The following SHC4 variants were observed in gnomAD, a reference collection of about 807,000 sequenced individuals.
The protein encoded by SHC4 is SHC adaptor protein 4, also known as SHC-transforming protein 4.
A neutral mutation model predicts 69.4 loss-of-function variants in SHC4; 41 were observed. That is an observed-to-expected ratio of 0.59 (90% CI 0.46 to 0.77). The LOEUF (loss-of-function observed/expected upper bound fraction) is 0.77. Ranked by LOEUF, SHC4 falls within the 30% of genes least tolerant of loss-of-function variation. The probability of loss-of-function intolerance (pLI) is 0.00; values close to 1 mark genes in which losing one functional copy is unlikely to be tolerated. For missense variants in SHC4, 777 were observed against 783.8 expected (o/e 0.99, Z 0.10); for synonymous variants, 318 against 299.3 (o/e 1.06, Z -0.64).
intron 4 of SHC4, among the ~76,000 whole-genome samples, chr15:48,875,061 G>C (rs1266736404): frequency 6.6e-6 from 1 of 152,184 alleles, no homozygotes; most frequent in Non-Finnish European, 1.5e-5. Context: ...GACTGCAGAA[G>C]ACTTTAAGAC....
chr15:48,871,686 A>C (rs1313373059), intron 5 of SHC4, among the ~76,000 whole-genome samples: 3 of 152,202 alleles, frequency 2.0e-5, no homozygotes, highest in African/African-American at 7.2e-5. Flanking sequence ...TGATATATCA[A>C]GTCCAGTTGA....
rs774572791 is a variant in SHC4, at chr15:48,855,914, T to C, written c.1242+39A>G. ...AAATGCTCTAGTGATAAGGGCAGAA[T>C]TGCATTGCTGGTTCCAACAACAATA... On this transcript the variant is annotated intron_variant, in intron 8 of 11. Transcript: ENST00000332408. The C allele has an allele frequency of 4.4e-6, 7 of 1,574,764 alleles. No individual in the cohort carries two copies. In the South Asian group the frequency reaches 7.1e-5, roughly 16 times the overall value.
intron 11 of SHC4, among the ~76,000 whole-genome samples, 185 bp from the exon 12 acceptor site, chr15:48,826,311 G>C (rs1898687608): frequency 6.6e-6 from 1 of 151,102 alleles, no homozygotes. Flanking sequence ...GAGTGTAGTG[G>C]CACGATCTCG....
chr15:48,878,151 T>C (rs955210194), intron 4 of SHC4: 17 of 1,519,754 alleles, frequency 1.1e-5, no homozygotes, highest in Non-Finnish European at 1.5e-5. Flanking sequence ...TGGAAGCTTT[T>C]TCCTAGAGGT....
rs189567567 is a variant in SHC4 at position 48,949,614 on chromosome 15, T to G, written c.585+12817A>C. On this transcript the variant is annotated intron_variant, in intron 1 of 11. Coordinates refer to ENST00000332408, the MANE Select transcript of SHC4 (RefSeq NM_203349.4). Reference sequence around the variant, plus strand: ...CACCTAAACTTCTTAGGCTGATGCTTAAGACTTGTTATAATCTGGATCGAA... The same window carrying G: ...CACCTAAACTTCTTAGGCTGATGCTGAAGACTTGTTATAATCTGGATCGAA... Among the ~76,000 whole-genome samples, 304 of 152,172 alleles carry G rather than the reference T, an allele frequency of 2.0e-3. 1 individual carries two copies. Among genetic ancestry groups the G allele is most frequent in the African/African-American group, 7.2e-3 (297 of 41,520 alleles).
At chr15:48,941,432 GT>G (rs1470019117) in intron 1 of SHC4, among the ~76,000 whole-genome samples, 1 of 152,134 alleles carries the variant, frequency 6.6e-6, no homozygotes, top group Non-Finnish European at 1.5e-5. Context: ...TAGTACTTTT[GT>G]TTTTGTTTTG....
At chr15:48,954,470 T>C (rs1184789850) in intron 1 of SHC4, among the ~76,000 whole-genome samples, 1 of 152,226 alleles carries the variant, frequency 6.6e-6, no homozygotes, top group Non-Finnish European at 1.5e-5. Flanking sequence ...CATTTTTAAC[T>C]GATACAGGTG....
At chr15:48,880,788 G>C (rs1034648062) in intron 4 of SHC4, among the ~76,000 whole-genome samples, 1 of 152,044 alleles carries the variant, frequency 6.6e-6, no homozygotes, top group East Asian at 1.9e-4. Flanking sequence ...ACCCCTTTTA[G>C]GGGTGTAAAA....
Position 48,872,083 on chromosome 15 carries a change from A to G in SHC4, c.894+6T>C. ...ATAAAAAGAACTTCTGTGAATCCATACTTACAGGATCCCCTCCAGAGGCAA... is the reference window on the plus strand; with the variant it reads ...ATAAAAAGAACTTCTGTGAATCCATGCTTACAGGATCCCCTCCAGAGGCAA... On this transcript the variant is annotated splice_donor_region_variant and intron_variant, in intron 5 of 11. Transcript: ENST00000332408. 6.3e-7 allele frequency: 1 copy of G among 1,576,228 alleles called. No homozygotes were observed. Among genetic ancestry groups the G allele is most frequent in the Non-Finnish European group, 8.7e-7 (1 of 1,152,562 alleles).
intron 2 of SHC4, among the ~76,000 whole-genome samples, chr15:48,920,207 G>A (rs147660179): frequency 2.7e-5 from 4 of 150,928 alleles, no homozygotes; most frequent in African/African-American, 9.8e-5. Context: ...ATTTTTAGTA[G>A]AGATGGGGTT....
intron 4 of SHC4, among the ~76,000 whole-genome samples, chr15:48,882,523 G>A (rs914817304): frequency 1.4e-4 from 22 of 152,098 alleles, no homozygotes; most frequent in African/African-American, 5.1e-4. Context: ...CCTAAAGAAG[G>A]GTACTGAAGG....
intron 1 of SHC4, among the ~76,000 whole-genome samples, chr15:48,930,416 G>A (rs143377094): frequency 6.6e-6 from 1 of 152,278 alleles, no homozygotes; most frequent in East Asian, 1.9e-4. Flanking sequence ...CCTGCATCTT[G>A]GCTAGGAGTA....
intron 1 of SHC4, among the ~76,000 whole-genome samples, chr15:48,941,788 G>A (rs1901179581): frequency 6.6e-6 from 1 of 152,122 alleles, no homozygotes; most frequent in South Asian, 2.1e-4. Context: ...GTGCAGTTTT[G>A]TTTCATGGAT....
intron 1 of SHC4, among the ~76,000 whole-genome samples, chr15:48,933,106 A>C (rs1454917094): frequency 6.6e-6 from 1 of 152,198 alleles, no homozygotes; most frequent in African/African-American, 2.4e-5. Flanking sequence ...TAGATATAAG[A>C]AAGTAGCTAG....
Position 48,962,475 on chromosome 15 carries a change from AGT to A in SHC4, c.539_540del (p.His180LeufsTer21). The A allele has an allele frequency of 6.5e-7, 1 of 1,533,022 alleles. No individual in the cohort carries two copies. Among genetic ancestry groups the A allele is most frequent in the Non-Finnish European group, 8.8e-7 (1 of 1,142,082 alleles). 95.0% of individuals were successfully genotyped at this position (1,533,022 alleles called of 1,614,324 possible). On this transcript the variant is annotated frameshift_variant, in exon 1 of 12. Coordinates refer to ENST00000332408, the MANE Select transcript of SHC4 (RefSeq NM_203349.4). LOFTEE classifies it high-confidence loss of function. Reference protein sequence around the residue: ...EPTLRSRQDRHFLQHLLGMGM... With the variant: ...EPTLRSRQDRXFLQHLLGMGM... ...CCCATCCCCAACAGGTGCTGTAGAA[AGT>A]GCCTGTCCTGCCTGCTCCTAAGTGT... is the stretch of plus-strand genomic sequence containing the variant.
At chr15:48,892,361 T>A (rs1900152790) in intron 2 of SHC4, among the ~76,000 whole-genome samples, 1 of 152,192 alleles carries the variant, frequency 6.6e-6, no homozygotes, top group African/African-American at 2.4e-5. Flanking sequence ...TTTGCATAAT[T>A]ATCTGCAACC....
chr15:48,886,626 A>G (rs1381788539), intron 3 of SHC4, among the ~76,000 whole-genome samples: 3 of 152,212 alleles, frequency 2.0e-5, no homozygotes, highest in African/African-American at 4.8e-5. Context: ...TAATACTACT[A>G]TCACTTCCAT....
chr15:48,883,252 C>T (rs888107671), intron 4 of SHC4, among the ~76,000 whole-genome samples: 1 of 152,036 alleles, frequency 6.6e-6, no homozygotes, highest in Non-Finnish European at 1.5e-5. Flanking sequence ...TCATTTAATC[C>T]TCTAAACAGC....
chr15:48,919,990 A>G (rs1900714734), intron 2 of SHC4, among the ~76,000 whole-genome samples: 1 of 151,436 alleles, frequency 6.6e-6, no homozygotes, highest in Non-Finnish European at 1.5e-5. Context: ...ATAGGGAAAT[A>G]TAGGCCTACA....
Sources: gnomAD v4.1 joint callset for allele counts (sites outside exome capture counted in the v4.1 genomes callset) on GRCh38, gnomAD v4.1.1 for gene constraint, MANE v1.5 for transcripts, NCBI Gene and HGNC (gene_info 2026-07-23, HGNC 2026-07-21) for gene names.